The following SCN4A variants were observed in gnomAD, a reference collection of about 807,000 sequenced individuals.
The protein encoded by SCN4A is sodium voltage-gated channel alpha subunit 4.
SCN4A carries 83 observed loss-of-function variants against 162.0 expected under a neutral mutation model. The ratio of observed to expected loss-of-function variants is 0.51; its 90% CI spans 0.43 to 0.61. The LOEUF (loss-of-function observed/expected upper bound fraction) is 0.61, where lower values mean the gene tolerates loss of function less well. Ranked by LOEUF, SCN4A falls within the 20% of genes least tolerant of loss-of-function variation. The pLI is 0.00. For synonymous variants in SCN4A, 944 were observed against 985.1 expected (o/e 0.96, Z 0.78); for missense variants, 2,196 against 2,462.5 (o/e 0.89, Z 2.29).
chr17:63,963,060 C>T (rs2144801920), intron 10 of SCN4A, among the ~76,000 whole-genome samples: 1 of 152,058 alleles, frequency 6.6e-6, no homozygotes, highest in East Asian at 1.9e-4. Context: ...CTCCTGCCTC[C>T]CTACTTCCCT....
Position 63,951,535 on chromosome 17 carries a change from G to T in SCN4A, c.2742C>A (p.Phe914Leu). 2 of 1,613,994 alleles carry T rather than the reference G, an allele frequency of 1.2e-6. No individual in the cohort carries two copies. The highest frequency in any genetic ancestry group is 1.7e-6 in the Non-Finnish European group (2 of 1,179,892). ...GTATGGTCAGGTAGGGGTTGTTGATGAAGTTAAGGTGGTCCAGCTCGAGGC... is the reference window on the plus strand; with the variant it reads ...GTATGGTCAGGTAGGGGTTGTTGATTAAGTTAAGGTGGTCCAGCTCGAGGC... ...PSSLELDHLN[F>L]INNPYLTIQV... Residue 914 changes from phenylalanine (F) to leucine (L), a missense_variant, in exon 14 of 24, where the codon TTC (phenylalanine) becomes TTA (leucine). Transcript: ENST00000435607. The surrounding 1 kb of genome is among the most constrained non-coding windows in gnomAD (Gnocchi z 4.5).
intron 16 of SCN4A, 69 bp from the exon 17 acceptor site, chr17:63,948,132 C>T: frequency 1.6e-6 from 2 of 1,281,858 alleles, no homozygotes; most frequent in Admixed American, 2.3e-5. Context: ...GTCCCCTGCC[C>T]TGCTCTATGC....
intron 18 of SCN4A, 145 bp downstream of exon 18, chr17:63,946,900 G>C: frequency 5.1e-6 from 4 of 779,360 alleles, no homozygotes; most frequent in Non-Finnish European, 6.1e-6. Flanking sequence ...GTGGGGGCCA[G>C]ACCTGGCCTC....
At chr17:63,965,601 T>C (rs1371103110) in intron 8 of SCN4A, among the ~76,000 whole-genome samples, 4 of 152,140 alleles carry the variant, frequency 2.6e-5, no homozygotes, top group African/African-American at 9.7e-5. Flanking sequence ...CAATTCTCCC[T>C]CCTCAGCCTC....
intron 9 of SCN4A, 94 bp from the exon 10 acceptor site, chr17:63,963,919 G>C: frequency 8.1e-7 from 1 of 1,235,596 alleles, no homozygotes; most frequent in Non-Finnish European, 1.1e-6. Flanking sequence ...AGTCCTTCAG[G>C]GTGGCAGCCC....
rs61224013 is a variant in SCN4A at position 63,950,803 on chromosome 17, G to A, written c.2853+621C>T. Among the ~76,000 whole-genome samples the A allele has an allele frequency of 4.9e-3, 743 of 152,286 alleles. 6 individuals are homozygous for A. Among genetic ancestry groups the A allele is most frequent in the African/African-American group, 0.017 (687 of 41,566 alleles). ...GCGTTCCTGTCCCTTCCTCGACCTC[G>A]CAGTGGAGGGGTGGGGAGGGGCATC... On this transcript the variant is annotated intron_variant, in intron 14 of 23. Transcript: ENST00000435607. The surrounding 1 kb of genome is among the most constrained non-coding windows in gnomAD (Gnocchi z 4.6).
chr17:63,968,089 A>T lies in SCN4A; in HGVS notation c.970T>A (p.Trp324Arg). 1 of 1,613,904 alleles carries T rather than the reference A, an allele frequency of 6.2e-7. No individual in the cohort carries two copies. The highest frequency in any genetic ancestry group is 8.5e-7 in the Non-Finnish European group (1 of 1,179,874). Reference sequence around the variant, plus strand: ...GTGGCCCAGCTTGCATGGCTGTTCCACGTGTCGTTGGCATACCATGAGTCA... The same window carrying T: ...GTGGCCCAGCTTGCATGGCTGTTCCTCGTGTCGTTGGCATACCATGAGTCA... ...GNDSWYANDT[W>R]NSHASWATND... The change falls in exon 6 of 24, where the codon TGG (tryptophan) becomes AGG (arginine). Residue 324 changes from tryptophan to arginine, a missense_variant. Physicochemically the swap from Trp to Arg is moderately radical, Grantham distance 101. Coordinates refer to ENST00000435607, the MANE Select transcript of SCN4A (RefSeq NM_000334.4).
chr17:63,958,550 TTTG>T (rs777267871), intron 12 of SCN4A, among the ~76,000 whole-genome samples: 34 of 152,152 alleles, frequency 2.2e-4, no homozygotes, highest in Middle Eastern at 6.8e-3. Context: ...CTTGATAAAG[TTTG>T]TTGTTGTTGT....
At chr17:63,959,146 G>A (rs1909163958) in intron 12 of SCN4A, 119 bp downstream of exon 12, 1 of 801,272 alleles carries the variant, frequency 1.2e-6, no homozygotes, top group Admixed American at 2.7e-5. Flanking sequence ...CAAGGCAGAG[G>A]AGGCCTCGTT....
intron 16 of SCN4A, 51 bp downstream of exon 16, chr17:63,948,560 T>C: frequency 6.5e-7 from 1 of 1,550,236 alleles, no homozygotes; most frequent in Non-Finnish European, 8.8e-7. Flanking sequence ...CAAGAGGACC[T>C]GCTGTGGGCC....
At position 63,947,866 on chromosome 17, in the gene SCN4A, C is replaced by T. The variant is rs200239458; in HGVS notation, c.3318+24G>A. On this transcript the variant is annotated intron_variant, in intron 17 of 23. Transcript: ENST00000435607. ...CACTGACAGCCTCTGGATGTAGCTA[C>T]GGGGCCAGCGTGGGGGGACTCACAT... 2.4e-5 allele frequency: 39 copies of T among 1,610,346 alleles called. No homozygotes were observed. The African/African-American group carries it at 3.5e-4, about 14-fold the overall frequency.
intron 5 of SCN4A, among the ~76,000 whole-genome samples, chr17:63,969,466 C>T (rs1403903340): frequency 1.3e-5 from 2 of 152,120 alleles, no homozygotes; most frequent in Non-Finnish European, 2.9e-5. Flanking sequence ...TCCTGCGCCC[C>T]GAGGATGCTG....
rs569126921 is a variant in SCN4A at position 63,945,711 on chromosome 17, C to G, written c.3442-73G>C. The G allele has an allele frequency of 2.6e-6, 4 of 1,539,212 alleles. No individual in the cohort carries two copies. In the South Asian group the frequency reaches 4.5e-5, roughly 17 times the overall value. ...GAGGGCTCCACATCTCTACGCCACCCAGGGGACCAGGCAGAGCTGGGCATT... is the reference window on the plus strand; with the variant it reads ...GAGGGCTCCACATCTCTACGCCACCGAGGGGACCAGGCAGAGCTGGGCATT... On this transcript the variant is annotated intron_variant, in intron 18 of 23. Transcript: ENST00000435607. This position sits in a 1 kb window ranked among gnomAD's most constrained non-coding sequence, Gnocchi z 4.4.
Position 63,942,815 on chromosome 17 carries a change from G to A in SCN4A, c.4288+11C>T, listed in dbSNP as rs571103017. 9.9e-6 allele frequency: 16 copies of A among 1,611,142 alleles called. No homozygotes were observed. The highest frequency in any genetic ancestry group is 6.6e-5 in the South Asian group (6 of 90,874). ...CAGTGCTGCCCTGCCGGTCCAGCCC[G>A]CCCCGCTCACCCACAATGGACAGGA... On this transcript the variant is annotated intron_variant, in intron 23 of 23. Transcript: ENST00000435607.
chr17:63,964,389 C>T (rs1193768910), intron 9 of SCN4A, 79 bp downstream of exon 9: 112 of 1,342,002 alleles, frequency 8.3e-5, no homozygotes, highest in Non-Finnish European at 8.5e-6. Flanking sequence ...CCTCGGCCCC[C>T]CAGGGAGAAG....
Position 63,971,661 on chromosome 17 carries a change from A to C in SCN4A, c.611+61T>G, listed in dbSNP as rs1909611614. 4 of 1,495,582 alleles carry C rather than the reference A, an allele frequency of 2.7e-6. No homozygotes were observed. The African/African-American group carries it at 5.6e-5, about 21-fold the overall frequency. The allele number at this position is 1,495,582 out of a possible 1,614,324, so 92.6% of individuals were successfully genotyped here. ...CTCAGCCCAGGCAGCTTCCCTCTTT[A>C]AGGCCTGGCCCCCTCCCCTCACCCA... On this transcript the variant is annotated intron_variant, in intron 4 of 23. Transcript: ENST00000435607.
rs530410879 is a variant in SCN4A at position 63,962,523 on chromosome 17, A to C, written c.1607-1092T>G. 3.9e-5 allele frequency among the ~76,000 whole-genome samples: 6 copies of C among 152,216 alleles called. No individual in the cohort carries two copies. The South Asian group carries it at 1.2e-3, about 32-fold the overall frequency. On this transcript the variant is annotated intron_variant, in intron 10 of 23. Coordinates refer to ENST00000435607, the MANE Select transcript of SCN4A (RefSeq NM_000334.4). ...TCGGAGTGTCCTTGGCCCAGGCACG[A>C]TCTCACTTACTCATCACAGCAGGTA...
intron 15 of SCN4A, among the ~76,000 whole-genome samples, chr17:63,949,167 C>T (rs1048499662): frequency 4.6e-5 from 7 of 152,238 alleles, no homozygotes; most frequent in Non-Finnish European, 8.8e-5. Context: ...CAGGAGCTGA[C>T]ACCCACACTC....
chr17:63,966,674 C>T, intron 6 of SCN4A, 130 bp from the exon 7 acceptor site: 2 of 691,838 alleles, frequency 2.9e-6, no homozygotes, highest in East Asian at 2.7e-5. Context: ...CCCTGGCTGC[C>T]TCTTCCCCGT....
Sources: gnomAD v4.1 joint callset for allele counts (sites outside exome capture counted in the v4.1 genomes callset) on GRCh38, gnomAD v4.1.1 for gene constraint, Gnocchi (gnomAD v3.1) non-coding constraint, MANE v1.5 for transcripts, NCBI Gene and HGNC (gene_info 2026-07-23, HGNC 2026-07-21) for gene names.